OPRL1: variants seen among roughly 807,000 people sequenced by gnomAD.
OPRL1 encodes the protein opioid related nociceptin receptor 1.
A neutral mutation model predicts 15.5 loss-of-function variants in OPRL1; 5 were observed. The observed-to-expected ratio is 0.32, with a 90% CI of 0.17 to 0.68. The LOEUF (loss-of-function observed/expected upper bound fraction) is 0.68, where lower values mean the gene tolerates loss of function less well. Among genes scored for constraint, OPRL1 ranks in the 30% least tolerant of loss-of-function variants. The probability of loss-of-function intolerance (pLI) is 0.72; values close to 1 mark genes in which losing one functional copy is unlikely to be tolerated. For synonymous variants in OPRL1, 223 were observed against 230.2 expected (o/e 0.97, Z 0.28); for missense variants, 406 against 515.3 (o/e 0.79, Z 2.05).
At chr20:64,092,382 G>A (rs1168023670) in intron 2 of OPRL1, among the ~76,000 whole-genome samples, 1 of 152,198 alleles carries the variant, frequency 6.6e-6, no homozygotes, top group African/African-American at 2.4e-5. Flanking sequence ...GTGTCCTGGG[G>A]TGTAGCTGCC....
chr20:64,082,287 C>T (rs6090042), intron 1 of OPRL1, among the ~76,000 whole-genome samples: 127,104 of 152,152 alleles, frequency 0.84, 54,270 homozygotes, highest in East Asian at 1. Flanking sequence ...ACCCCTCCTG[C>T]CATCTCTCTG....
Position 64,099,121 on chromosome 20 carries a change from G to T in OPRL1, c.*322G>T. 2.6e-6 allele frequency: 1 copy of T among 390,014 alleles called. No individual in the cohort carries two copies. Among genetic ancestry groups the T allele is most frequent in the South Asian group, 5.8e-5 (1 of 17,338 alleles). 24.2% of individuals were successfully genotyped at this position (390,014 alleles called of 1,614,324 possible). ...TGGTGGACGGCCGTGACTGGAGCCC[G>T]TGCCCCTCCCTCCCCGTGCTTCATG... On this transcript the variant is annotated 3_prime_UTR_variant, in exon 5 of 5. Transcript: ENST00000336866.
intron 2 of OPRL1, among the ~76,000 whole-genome samples, 198 bp from the exon 3 acceptor site, chr20:64,092,490 C>G (rs550769312): frequency 6.6e-6 from 1 of 152,098 alleles, no homozygotes. Context: ...TCTGTGCACA[C>G]GTGTCCTCGT....
At position 64,090,699 on chromosome 20, in the gene OPRL1, G is replaced by A. The variant is rs1241341256; in HGVS notation, c.-184-1267G>A. Among the ~76,000 whole-genome samples the A allele has an allele frequency of 6.6e-6, 1 of 152,234 alleles. No homozygotes were observed. Among genetic ancestry groups the A allele is most frequent in the Non-Finnish European group, 1.5e-5 (1 of 68,038 alleles). On this transcript the variant is annotated intron_variant, in intron 1 of 4. Transcript: ENST00000336866. The surrounding 1 kb of genome is among the most constrained non-coding windows in gnomAD (Gnocchi z 4.9). Reference sequence around the variant, plus strand: ...TCTGAAGGGGCCATTCAGCTGTGTGGGTGCCAGGGGCCTGTCTGCAGGAGT... The same window carrying A: ...TCTGAAGGGGCCATTCAGCTGTGTGAGTGCCAGGGGCCTGTCTGCAGGAGT...
chr20:64,083,201 T>C lies in OPRL1; in HGVS notation c.-185+2849T>C, dbSNP rs1225250184. Among the ~76,000 whole-genome samples, 6 of 151,988 alleles carry C rather than the reference T, an allele frequency of 3.9e-5. No individual in the cohort carries two copies. The highest frequency in any genetic ancestry group is 1.2e-4 in the African/African-American group (5 of 41,362). On this transcript the variant is annotated intron_variant, in intron 1 of 4. Transcript: ENST00000336866. This position sits in a 1 kb window ranked among gnomAD's most constrained non-coding sequence, Gnocchi z 4.9. ...GTGGGGGGCAGATCGGGATTAGGGGTAGGCGTGTCCCTGACCTGTTACTTT... is the reference window on the plus strand; with the variant it reads ...GTGGGGGGCAGATCGGGATTAGGGGCAGGCGTGTCCCTGACCTGTTACTTT...
chr20:64,090,695 T>C lies in OPRL1; in HGVS notation c.-184-1271T>C, dbSNP rs2060110954. 1.3e-5 allele frequency among the ~76,000 whole-genome samples: 2 copies of C among 152,218 alleles called. No individual in the cohort carries two copies. Among genetic ancestry groups the C allele is most frequent in the African/African-American group, 4.8e-5 (2 of 41,444 alleles). ...CAACTCTGAAGGGGCCATTCAGCTG[T>C]GTGGGTGCCAGGGGCCTGTCTGCAG... On this transcript the variant is annotated intron_variant, in intron 1 of 4. Transcript: ENST00000336866. The surrounding 1 kb of genome is among the most constrained non-coding windows in gnomAD (Gnocchi z 4.9).
rs1221396856 is a variant in OPRL1, at chr20:64,088,773, GAGGGTAGGA to G, written c.-184-3192_-184-3184del. The stretch of plus-strand genomic sequence containing the variant: ...GCAGAGTGGCCAGGATCTGTGCAGG[GAGGGTAGGA>G]TCTGTGCAGAGTGGCCAGGATCTGT... On this transcript the variant is annotated intron_variant, in intron 1 of 4. Coordinates refer to ENST00000336866, the MANE Select transcript of OPRL1 (RefSeq NM_182647.4). 3.0e-5 allele frequency among the ~76,000 whole-genome samples: 4 copies of G among 135,556 alleles called. No homozygotes were observed. In the South Asian group the frequency reaches 9.4e-4, roughly 32 times the overall value. 88.9% of individuals were successfully genotyped at this position (135,556 alleles called of 152,430 possible).
intron 1 of OPRL1, chr20:64,084,317 T>C: frequency 7.7e-7 from 1 of 1,291,950 alleles, no homozygotes; most frequent in East Asian, 3.3e-5. Flanking sequence ...GCGCCCCAGC[T>C]CCCGCCCGCT....
At chr20:64,088,894 T>C (rs746243854) in intron 1 of OPRL1, among the ~76,000 whole-genome samples, 4 of 93,072 alleles carry the variant, frequency 4.3e-5, no homozygotes, top group Non-Finnish European at 4.7e-5. Flanking sequence ...CTGTGCAGAG[T>C]GGCCAGGGTC....
Position 64,083,489 on chromosome 20 carries a change from C to G in OPRL1, c.-185+3137C>G. 1 of 1,593,114 alleles carries G rather than the reference C, an allele frequency of 6.3e-7. No individual in the cohort carries two copies. Among genetic ancestry groups the G allele is most frequent in the Non-Finnish European group, 8.5e-7 (1 of 1,171,120 alleles). On this transcript the variant is annotated intron_variant, in intron 1 of 4. Transcript: ENST00000336866. The surrounding 1 kb of genome is among the most constrained non-coding windows in gnomAD (Gnocchi z 4.9). Reference sequence around the variant, plus strand: ...TCTCCTCCAGGATGGTCTCCACGCGCCTCCGCTGCCGGGGAGAGAGGCTGG... The same window carrying G: ...TCTCCTCCAGGATGGTCTCCACGCGGCTCCGCTGCCGGGGAGAGAGGCTGG...
In OPRL1 at chr20:64,098,892, C is replaced by T. The variant is rs1979529378; in HGVS notation, c.*93C>T. 6.9e-7 allele frequency: 1 copy of T among 1,450,378 alleles called. No individual in the cohort carries two copies. The highest frequency in any genetic ancestry group is 9.1e-7 in the Non-Finnish European group (1 of 1,096,912). 89.8% of individuals were successfully genotyped at this position (1,450,378 alleles called of 1,614,324 possible). ...CACAGGTCACTGCTCTCTAGGCGGA[C>T]ACACCCTGGGCCCTGAGCATCCAGA... On this transcript the variant is annotated 3_prime_UTR_variant, in exon 5 of 5. Coordinates refer to ENST00000336866, the MANE Select transcript of OPRL1 (RefSeq NM_182647.4).
intron 1 of OPRL1, among the ~76,000 whole-genome samples, chr20:64,086,128 T>C (rs1227558773): frequency 2.0e-5 from 3 of 152,204 alleles, no homozygotes; most frequent in Non-Finnish European, 4.4e-5. Flanking sequence ...TGTGCTCCCA[T>C]AGGGGTGAGT....
intron 1 of OPRL1, among the ~76,000 whole-genome samples, chr20:64,085,681 C>CT (rs1298997819): frequency 1.4e-5 from 2 of 145,302 alleles, no homozygotes; most frequent in Non-Finnish European, 3.2e-5. Flanking sequence ...TGTCTGTACT[C>CT]TCTCTATATT....
At chr20:64,084,586 T>C (rs921501132) in intron 1 of OPRL1, among the ~76,000 whole-genome samples, 1 of 152,188 alleles carries the variant, frequency 6.6e-6, no homozygotes, top group Non-Finnish European at 1.5e-5. Flanking sequence ...GAGCTCTAGG[T>C]GACGCCTGGG....
In OPRL1 at chr20:64,088,730, G is replaced by GAAGAGTGGC. The variant is rs2060085366; in HGVS notation, c.-184-3236_-184-3235insAAGAGTGGC. Reference sequence around the variant, plus strand: ...TCTGTGCAGAGTGGCCAGGATCTGTGCAAGGGGTAGGATCTGTGCAGAGTG... The same window carrying GAAGAGTGGC: ...TCTGTGCAGAGTGGCCAGGATCTGTGAAGAGTGGCCAAGGGGTAGGATCTGTGCAGAGTG... On this transcript the variant is annotated intron_variant, in intron 1 of 4. Coordinates refer to ENST00000336866, the MANE Select transcript of OPRL1 (RefSeq NM_182647.4). Among the ~76,000 whole-genome samples, 7 of 11,582 alleles carry GAAGAGTGGC rather than the reference G, an allele frequency of 6.0e-4. 1 individual carries two copies. Among genetic ancestry groups the GAAGAGTGGC allele is most frequent in the Non-Finnish European group, 1.0e-3 (5 of 4,794 alleles). The allele number at this position is 11,582 out of a possible 152,430, so 7.6% of individuals were successfully genotyped here.
Position 64,098,884 on chromosome 20 carries a change from T to A in OPRL1, c.*85T>A. On this transcript the variant is annotated 3_prime_UTR_variant, in exon 5 of 5. Transcript: ENST00000336866. ...AGAGCTCACACAGGTCACTGCTCTC[T>A]AGGCGGACACACCCTGGGCCCTGAG... 2 of 1,468,878 alleles carry A rather than the reference T, an allele frequency of 1.4e-6. No homozygotes were observed. The highest frequency in any genetic ancestry group is 2.5e-4 in the Middle Eastern group (1 of 4,034). 91.0% of individuals were successfully genotyped at this position (1,468,878 alleles called of 1,614,324 possible). A position where few individuals can be genotyped will look rare whatever the true frequency, so the allele number is the denominator to read the frequency against.
At chr20:64,096,376 C>G (rs554284545) in intron 3 of OPRL1, among the ~76,000 whole-genome samples, 2 of 152,252 alleles carry the variant, frequency 1.3e-5, no homozygotes, top group African/African-American at 4.8e-5. Context: ...GAGCCCTGCT[C>G]TGCTTTTTAC....
intron 1 of OPRL1, among the ~76,000 whole-genome samples, chr20:64,081,087 G>T (rs2059961719): frequency 6.6e-6 from 1 of 151,970 alleles, no homozygotes; most frequent in African/African-American, 2.4e-5. Context: ...TGGGTGAGAG[G>T]GGGGAGGGCT....
In OPRL1 at chr20:64,098,614, G is replaced by C; in HGVS notation, c.928G>C (p.Val310Leu). 1 of 1,612,886 alleles carries C rather than the reference G, an allele frequency of 6.2e-7. No individual in the cohort carries two copies. The highest frequency in any genetic ancestry group is 8.5e-7 in the Non-Finnish European group (1 of 1,179,972). Residue 310 changes from valine to leucine, a missense_variant, in exon 5 of 5, where the codon GTC (valine) becomes CTC (leucine). Transcript: ENST00000336866. ...ILRFCTALGY[V>L]NSCLNPILYA... ...GCGCTTCTGCACGGCCCTGGGCTAC[G>C]TCAACAGCTGCCTCAACCCCATCCT...
Sources: allele counts gnomAD v4.1 joint callset (sites outside exome capture counted in the v4.1 genomes callset), GRCh38; gene constraint gnomAD v4.1.1; non-coding constraint Gnocchi (gnomAD v3.1); transcripts MANE v1.5; gene names NCBI Gene and HGNC (gene_info 2026-07-23, HGNC 2026-07-21).